Variants in DIP2B observed in about 807,000 individuals in gnomAD.
DIP2B encodes the protein disco-interacting protein 2 homolog B.
A neutral mutation model predicts 198.0 loss-of-function variants in DIP2B; 76 were observed. The observed-to-expected ratio is 0.38, with a 90% CI of 0.32 to 0.46. The LOEUF is 0.46. Among genes scored for constraint, DIP2B ranks in the 20% least tolerant of loss-of-function variants. The pLI, the probability that DIP2B is intolerant of heterozygous loss-of-function variation, is 0.99. For synonymous variants in DIP2B, 701 were observed against 739.1 expected, an observed-to-expected ratio of 0.95 and a Z score of 0.84; for missense variants, 1,559 against 1,978.4, an observed-to-expected ratio of 0.79 and a Z score of 4.02.
At chr12:50,664,829 GGTTTTTGTTTTTTTTT>G (rs1938718034) in intron 4 of DIP2B, among the ~76,000 whole-genome samples, 1 of 5,078 alleles carries the variant, frequency 2.0e-4, no homozygotes, top group Admixed American at 1.7e-3. Flanking sequence ...CTCCTTTTTT[GGTTTTTGTTTTTTTTT>G]TTTTTTTTTT....
At chr12:50,702,691 C>T (rs947514082) in intron 19 of DIP2B, among the ~76,000 whole-genome samples, 13 of 131,558 alleles carry the variant, frequency 9.9e-5, no homozygotes, top group Admixed American at 9.7e-4. Flanking sequence ...CTGTGACTAG[C>T]CACTGCATTC....
At chr12:50,584,508 G>A (rs1165925947) in intron 1 of DIP2B, among the ~76,000 whole-genome samples, 1 of 152,146 alleles carries the variant, frequency 6.6e-6, no homozygotes, top group African/African-American at 2.4e-5. Context: ...TCTCTTGTAT[G>A]CTGTTCTCTT....
intron 1 of DIP2B, among the ~76,000 whole-genome samples, chr12:50,553,197 T>A (rs1958441989): frequency 6.6e-6 from 1 of 152,238 alleles, no homozygotes; most frequent in Admixed American, 6.5e-5. Context: ...CATGTGGATG[T>A]CCAGTTTTCC....
chr12:50,687,290 T>C (rs547262943), intron 12 of DIP2B, among the ~76,000 whole-genome samples: 4 of 152,238 alleles, frequency 2.6e-5, no homozygotes, highest in African/African-American at 9.6e-5. Context: ...ATGAGGAGAC[T>C]AAGACTTAAA....
intron 10 of DIP2B, among the ~76,000 whole-genome samples, chr12:50,683,473 A>G (rs908545855): frequency 7.9e-5 from 12 of 152,206 alleles, no homozygotes; most frequent in African/African-American, 2.9e-4. Context: ...ATAGTATTGC[A>G]TATCATTTAA....
At chr12:50,524,870 G>A (rs1393875784) in intron 1 of DIP2B, among the ~76,000 whole-genome samples, 1 of 152,180 alleles carries the variant, frequency 6.6e-6, no homozygotes, top group East Asian at 1.9e-4. Flanking sequence ...TAGGACTCCA[G>A]GCCTGTGCCA....
At chr12:50,582,613 A>G (rs1185053302) in intron 1 of DIP2B, among the ~76,000 whole-genome samples, 1 of 152,190 alleles carries the variant, frequency 6.6e-6, no homozygotes, top group Admixed American at 6.5e-5. Flanking sequence ...AGATTTTCAA[A>G]CATATACCAG....
In DIP2B at chr12:50,741,478, C is replaced by A; in HGVS notation, c.4417C>A (p.Arg1473=). 1 of 1,614,136 alleles carries A rather than the reference C, an allele frequency of 6.2e-7. No homozygotes were observed. ...TGAAACACTGGAGCTGAGAGGATTACGATACCACCCAATTGATATTGAGAC... is the reference window on the plus strand; with the variant it reads ...TGAAACACTGGAGCTGAGAGGATTAAGATACCACCCAATTGATATTGAGAC... ...LDETLELRGL[R]YHPIDIETSV... is the part of the protein sequence containing the mutation. The change falls in exon 37 of 38, where the codon CGA becomes AGA. Residue 1473 remains arginine, a synonymous_variant. Transcript: ENST00000301180.
intron 1 of DIP2B, among the ~76,000 whole-genome samples, chr12:50,522,011 AT>A (rs1255638506): frequency 6.6e-6 from 1 of 150,668 alleles, no homozygotes; most frequent in African/African-American, 2.4e-5. Context: ...TTTTATTATT[AT>A]TTTTTTAAGA....
intron 1 of DIP2B, among the ~76,000 whole-genome samples, chr12:50,518,127 A>G (rs1958082273): frequency 6.6e-6 from 1 of 152,114 alleles, no homozygotes; most frequent in Admixed American, 6.5e-5. Flanking sequence ...GTGGTTACAC[A>G]TTTCCCATAA....
intron 1 of DIP2B, among the ~76,000 whole-genome samples, chr12:50,543,137 G>A (rs1163285055): frequency 2.0e-5 from 3 of 152,156 alleles, no homozygotes; most frequent in African/African-American, 4.8e-5. Context: ...GCTTCCCAAA[G>A]TGATGGGATT....
chr12:50,747,774 A>G lies in DIP2B; in HGVS notation c.*2935A>G, dbSNP rs1012166965. 4 of 152,188 alleles carry G rather than the reference A, an allele frequency of 2.6e-5. No individual in the cohort carries two copies. The highest frequency in any genetic ancestry group is 4.8e-5 in the African/African-American group (2 of 41,446). 9.4% of individuals were successfully genotyped at this position (152,188 alleles called of 1,614,324 possible). A position where few individuals can be genotyped will look rare whatever the true frequency, so the allele number is the denominator to read the frequency against. On this transcript the variant is annotated 3_prime_UTR_variant, in exon 38 of 38. Coordinates refer to ENST00000301180, the MANE Select transcript of DIP2B (RefSeq NM_173602.3). ...TCTCTGTCTCAGTTAAGAGAAATCT[A>G]TTGGTCTGAAGGTTTCTGAACCTCT...
chr12:50,573,709 G>T (rs1958634805), intron 1 of DIP2B, among the ~76,000 whole-genome samples: 1 of 152,154 alleles, frequency 6.6e-6, no homozygotes, highest in South Asian at 2.1e-4. Flanking sequence ...TTTAAAAATG[G>T]TTAGTCCAAT....
At chr12:50,654,202 C>CT (rs1376178063) in intron 3 of DIP2B, among the ~76,000 whole-genome samples, 1 of 151,840 alleles carries the variant, frequency 6.6e-6, no homozygotes, top group Non-Finnish European at 1.5e-5. Flanking sequence ...TTCGTTTGTT[C>CT]TTTTTTTAGT....
chr12:50,588,233 C>T (rs143043085), intron 1 of DIP2B, among the ~76,000 whole-genome samples: 1 of 151,872 alleles, frequency 6.6e-6, no homozygotes, highest in Non-Finnish European at 1.5e-5. Flanking sequence ...CTCACTGCAA[C>T]CTCCGCCTCC....
intron 1 of DIP2B, among the ~76,000 whole-genome samples, chr12:50,599,556 G>A (rs910890969): frequency 2.6e-5 from 4 of 152,042 alleles, no homozygotes; most frequent in Non-Finnish European, 5.9e-5. Context: ...GGCGGAAGTT[G>A]AGTGAGCCGA....
At chr12:50,623,846 T>A (rs1191588468) in intron 1 of DIP2B, among the ~76,000 whole-genome samples, 1 of 152,114 alleles carries the variant, frequency 6.6e-6, no homozygotes, top group Non-Finnish European at 1.5e-5. Context: ...GTTAGCAGCA[T>A]CCCTGACCTC....
intron 25 of DIP2B, among the ~76,000 whole-genome samples, chr12:50,720,055 C>A (rs561869305): frequency 6.6e-6 from 1 of 150,780 alleles, no homozygotes; most frequent in Non-Finnish European, 1.5e-5. Context: ...CTCAGCGTCC[C>A]GAGTAGCTGG....
Position 50,745,662 on chromosome 12 carries a change from A to G in DIP2B, c.*823A>G, listed in dbSNP as rs973878547. 2 of 152,646 alleles carry G rather than the reference A, an allele frequency of 1.3e-5. No homozygotes were observed. Among genetic ancestry groups the G allele is most frequent in the African/African-American group, 2.4e-5 (1 of 41,458 alleles). 9.5% of individuals were successfully genotyped at this position (152,646 alleles called of 1,614,324 possible). A position where few individuals can be genotyped will look rare whatever the true frequency, so the allele number is the denominator to read the frequency against. On this transcript the variant is annotated 3_prime_UTR_variant, in exon 38 of 38. Coordinates refer to ENST00000301180, the MANE Select transcript of DIP2B (RefSeq NM_173602.3). ...ATTCCCAGAATCAGCTTAGGCTTCT[A>G]TGAATTCAGCCTGTTTCTAAAAGCT... is the stretch of plus-strand genomic sequence containing the variant.
Sources: gnomAD v4.1 joint callset for allele counts (sites outside exome capture counted in the v4.1 genomes callset) on GRCh38, gnomAD v4.1.1 for gene constraint, MANE v1.5 for transcripts, NCBI Gene and HGNC (gene_info 2026-07-23, HGNC 2026-07-21) for gene names.